MORN3: variants seen among roughly 807,000 people sequenced by gnomAD.
MORN3 encodes MORN repeat-containing protein 3.
A neutral mutation model predicts 34.7 loss-of-function variants in MORN3; 38 were observed. That is an observed-to-expected ratio of 1.10 (90% CI 0.85 to 1.44). The LOEUF (loss-of-function observed/expected upper bound fraction) is 1.44, where lower values mean the gene tolerates loss of function less well. MORN3 is among the 40% of genes most tolerant of loss of function. MORN3 has a pLI of 0.00. For synonymous variants in MORN3, 109 were observed against 115.3 expected (o/e 0.95, Z 0.35); for missense variants, 311 against 321.7 (o/e 0.97, Z 0.25).
chr12:121,672,639 G>T (rs570812831), upstream of MORN3: 702 of 152,452 alleles, frequency 4.6e-3, 6 homozygotes, highest in South Asian at 0.026. Context: ...GGGCCCGGCC[G>T]GGGTCGCTAT....
intron 1 of MORN3, among the ~76,000 whole-genome samples, chr12:121,663,751 TTTTTTTTA>T (rs1304173434): frequency 1.4e-5 from 2 of 142,540 alleles, no homozygotes; most frequent in South Asian, 2.1e-4. Flanking sequence ...CCTTTATTGG[TTTTTTTTA>T]TTTTTTTATT....
chr12:121,662,746 A>G (rs1324448783), intron 1 of MORN3, among the ~76,000 whole-genome samples: 1 of 149,672 alleles, frequency 6.7e-6, no homozygotes, highest in East Asian at 2.0e-4. Flanking sequence ...GTGAGACTGA[A>G]AAAAAAAAAA....
Position 121,669,578 on chromosome 12 carries a change from A to C in MORN3, c.-95T>G. On this transcript the variant is annotated 5_prime_UTR_variant, in exon 1 of 6. Coordinates refer to ENST00000355329, the MANE Select transcript of MORN3 (RefSeq NM_173855.5). ...GTGTAATGCCGGGATCCTGAGCTCA[A>C]GTGGGGAGAGTCATGTGTGTTCTGA... 2 of 1,528,392 alleles carry C rather than the reference A, an allele frequency of 1.3e-6. No homozygotes were observed. Among genetic ancestry groups the C allele is most frequent in the Non-Finnish European group, 8.9e-7 (1 of 1,121,022 alleles). 94.7% of individuals were successfully genotyped at this position (1,528,392 alleles called of 1,614,324 possible). A position where few individuals can be genotyped will look rare whatever the true frequency, so the allele number is the denominator to read the frequency against.
In MORN3 at chr12:121,652,745, CCT is replaced by C; in HGVS notation, c.710_711del (p.Glu237GlyfsTer45). 1.2e-6 allele frequency: 2 copies of C among 1,614,204 alleles called. No homozygotes were observed. Among genetic ancestry groups the C allele is most frequent in the Admixed American group, 1.7e-5 (1 of 60,022 alleles). On this transcript the variant is annotated frameshift_variant, in exon 5 of 6. Transcript: ENST00000355329. LOFTEE classifies it high-confidence loss of function. ...AEALAMFRKT[E>X]EGD is the part of the protein sequence containing the mutation. ...CCCCTCACCTGGCATCAATCTCCTTCCTCTGTCTTCCTGAACATGGCCAAGGC... is the reference window on the plus strand; with the variant it reads ...CCCCTCACCTGGCATCAATCTCCTTCCTGTCTTCCTGAACATGGCCAAGGC...
intron 1 of MORN3, among the ~76,000 whole-genome samples, chr12:121,664,292 A>AC: frequency 6.6e-6 from 1 of 152,282 alleles, no homozygotes. Flanking sequence ...CCTGATGAAT[A>AC]CCCACATAGT....
rs539309362 is a variant in MORN3, at chr12:121,669,330, C to T, written c.145+9G>A. ...CCACTCCGGCCGCCCGTCCCGGAGT[C>T]CCACTCACCGTGTTTCACGTTGTCC... is the stretch of plus-strand genomic sequence containing the variant. On this transcript the variant is annotated intron_variant, in intron 1 of 5. Coordinates refer to ENST00000355329, the MANE Select transcript of MORN3 (RefSeq NM_173855.5). The T allele has an allele frequency of 1.2e-6, 2 of 1,612,988 alleles. No individual in the cohort carries two copies. Among genetic ancestry groups the T allele is most frequent in the South Asian group, 1.1e-5 (1 of 91,072 alleles).
chr12:121,664,540 C>G (rs545507164), intron 1 of MORN3, among the ~76,000 whole-genome samples: 28 of 152,308 alleles, frequency 1.8e-4, no homozygotes, highest in African/African-American at 6.5e-4. Context: ...GGGCGGATCA[C>G]TTGAGGTCGG....
intron 1 of MORN3, among the ~76,000 whole-genome samples, chr12:121,661,572 G>T (rs1199113746): frequency 6.6e-6 from 1 of 151,982 alleles, no homozygotes; most frequent in East Asian, 1.9e-4. Flanking sequence ...CTGTAAAATG[G>T]GTATAAGAAT....
chr12:121,659,067 C>T, intron 2 of MORN3, 124 bp downstream of exon 2: 1 of 1,302,494 alleles, frequency 7.7e-7, no homozygotes, highest in Non-Finnish European at 1.0e-6. Context: ...ACAACCCTGT[C>T]CTCCTCCCTG....
chr12:121,656,981 C>T (rs577427160), intron 2 of MORN3, among the ~76,000 whole-genome samples: 2 of 152,178 alleles, frequency 1.3e-5, no homozygotes, highest in Non-Finnish European at 1.5e-5. Flanking sequence ...AAACCCTGGG[C>T]TCTACCACTT....
chr12:121,671,741 G>A (rs1411635862), upstream of MORN3, among the ~76,000 whole-genome samples: 1 of 151,972 alleles, frequency 6.6e-6, no homozygotes. Context: ...TTAGCCGGGC[G>A]TGGTTGACGA....
chr12:121,655,948 G>A lies in MORN3; in HGVS notation c.304-1515C>T, dbSNP rs531559711. Among the ~76,000 whole-genome samples, 12 of 151,796 alleles carry A rather than the reference G, an allele frequency of 7.9e-5. No homozygotes were observed. In the South Asian group the frequency reaches 1.3e-3, roughly 16 times the overall value. Reference sequence around the variant, plus strand: ...CGGGAGGCTGAGGCAGGAGAAGGCCGTGAACCAGGAGGCGGAGCTTGCAGT... The same window carrying A: ...CGGGAGGCTGAGGCAGGAGAAGGCCATGAACCAGGAGGCGGAGCTTGCAGT... On this transcript the variant is annotated intron_variant, in intron 2 of 5. Transcript: ENST00000355329.
intron 1 of MORN3, among the ~76,000 whole-genome samples, chr12:121,660,673 T>TC (rs1417338470): frequency 6.7e-6 from 1 of 148,454 alleles, no homozygotes; most frequent in African/African-American, 2.5e-5. Context: ...TTTCTTTCTT[T>TC]TTTTTTTTTT....
intron 1 of MORN3, among the ~76,000 whole-genome samples, chr12:121,664,438 G>A (rs1028901705): frequency 6.6e-5 from 10 of 152,194 alleles, no homozygotes; most frequent in African/African-American, 2.2e-4. Context: ...ACAGGGAACT[G>A]CATGAGTAAA....
At chr12:121,655,823 G>A (rs1057442372) in intron 2 of MORN3, among the ~76,000 whole-genome samples, 4 of 151,890 alleles carry the variant, frequency 2.6e-5, no homozygotes, top group African/African-American at 9.7e-5. Context: ...AAGGTCAGGA[G>A]ATCGAGACCA....
In MORN3 at chr12:121,648,991, G is replaced by A. The variant is rs1243846369; in HGVS notation, c.*2660C>T. 1 of 151,174 alleles carries A rather than the reference G, an allele frequency of 6.6e-6. No individual in the cohort carries two copies. The highest frequency in any genetic ancestry group is 1.9e-4 in the East Asian group (1 of 5,138). The allele number at this position is 151,174 out of a possible 1,614,324, so 9.4% of individuals were successfully genotyped here. On this transcript the variant is annotated 3_prime_UTR_variant, in exon 6 of 6. Coordinates refer to ENST00000355329, the MANE Select transcript of MORN3 (RefSeq NM_173855.5). ...TCTGTTGCCCAGGCTGGAGAGCAGC[G>A]GCACGATCTCGGCTCGGCGTGATCT...
upstream of MORN3, among the ~76,000 whole-genome samples, chr12:121,669,975 G>A (rs553606045): frequency 5.3e-5 from 8 of 151,844 alleles, no homozygotes; most frequent in African/African-American, 1.5e-4. Flanking sequence ...CTGGGTTCAA[G>A]TGATTCTCGT....
At chr12:121,663,931 T>C (rs1251183398) in intron 1 of MORN3, among the ~76,000 whole-genome samples, 1 of 151,996 alleles carries the variant, frequency 6.6e-6, no homozygotes, top group Non-Finnish European at 1.5e-5. Context: ...GGGACACCAC[T>C]CTCCCACTCT....
intron 1 of MORN3, among the ~76,000 whole-genome samples, chr12:121,663,585 G>A (rs539212092): frequency 5.3e-5 from 8 of 152,144 alleles, no homozygotes; most frequent in Non-Finnish European, 7.4e-5. Context: ...CAATAAAGCC[G>A]AGGGAGAAAA....
Sources: gnomAD v4.1 joint callset for allele counts (sites outside exome capture counted in the v4.1 genomes callset) on GRCh38, gnomAD v4.1.1 for gene constraint, MANE v1.5 for transcripts, NCBI Gene and HGNC (gene_info 2026-07-23, HGNC 2026-07-21) for gene names.